PCLO: variants seen among roughly 807,000 people sequenced by gnomAD.
PCLO encodes the protein protein piccolo.
In PCLO, 82 loss-of-function variants were observed where a neutral mutation model predicts 427.5. That is an observed-to-expected ratio of 0.19 (90% CI 0.16 to 0.23). The LOEUF (loss-of-function observed/expected upper bound fraction) is 0.23. Among genes scored for constraint, PCLO ranks in the 10% least tolerant of loss-of-function variants. PCLO has a pLI of 1.00. For missense variants in PCLO, 6,239 were observed against 6,115.9 expected (o/e 1.02, Z -0.67); for synonymous variants, 2,357 against 2,155.4 (o/e 1.09, Z -2.59).
chr7:82,810,584 A>T (rs1203112669), intron 20 of PCLO, among the ~76,000 whole-genome samples: 2 of 151,718 alleles, frequency 1.3e-5, no homozygotes, highest in Non-Finnish European at 3.0e-5. Context: ...CAATTAATTG[A>T]GGGGGCATTT....
chr7:82,946,809 A>G (rs1210291480), intron 6 of PCLO, among the ~76,000 whole-genome samples: 1 of 152,242 alleles, frequency 6.6e-6, no homozygotes, highest in Non-Finnish European at 1.5e-5. Flanking sequence ...CTGTGCTGCA[A>G]GTAACATAAT....
chr7:82,822,949 A>C (rs933424572), intron 19 of PCLO, among the ~76,000 whole-genome samples: 1 of 152,170 alleles, frequency 6.6e-6, no homozygotes, highest in Non-Finnish European at 1.5e-5. Flanking sequence ...TCTAGTAATA[A>C]ATATGTTAAC....
chr7:82,876,477 CACACACACACAT>C (rs1793374346), intron 10 of PCLO, among the ~76,000 whole-genome samples: 1 of 150,250 alleles, frequency 6.7e-6, no homozygotes, highest in Non-Finnish European at 1.5e-5. Flanking sequence ...CACACACACA[CACACACACACAT>C]ACACCACACA....
intron 10 of PCLO, among the ~76,000 whole-genome samples, chr7:82,866,878 T>G (rs1193888728): frequency 2.6e-5 from 4 of 152,162 alleles, no homozygotes; most frequent in Non-Finnish European, 5.9e-5. Flanking sequence ...GACAGTGTCT[T>G]GCCCTCAGGA....
intron 9 of PCLO, among the ~76,000 whole-genome samples, chr7:82,883,706 T>G (rs1312273147): frequency 6.6e-6 from 1 of 152,200 alleles, no homozygotes; most frequent in African/African-American, 2.4e-5. Flanking sequence ...CTTTTTCTTA[T>G]CCAGCCAATT....
intron 1 of PCLO, among the ~76,000 whole-genome samples, chr7:83,158,457 T>C (rs1792352932): frequency 6.6e-6 from 1 of 151,990 alleles, no homozygotes; most frequent in South Asian, 2.1e-4. Flanking sequence ...GAGTAATCAT[T>C]AGGCATTTTA....
intron 7 of PCLO, among the ~76,000 whole-genome samples, chr7:82,913,198 G>T (rs1282880001): frequency 6.6e-6 from 1 of 151,820 alleles, no homozygotes; most frequent in African/African-American, 2.4e-5. Flanking sequence ...CTGTAGAGAC[G>T]AAAACAAATC....
At chr7:82,931,839 G>C (rs1794847092) in intron 6 of PCLO, among the ~76,000 whole-genome samples, 1 of 152,096 alleles carries the variant, frequency 6.6e-6, no homozygotes, top group South Asian at 2.1e-4. Flanking sequence ...CACTTAAAGA[G>C]AGGGGACTCC....
chr7:82,942,121 A>G (rs1283770697), intron 6 of PCLO, among the ~76,000 whole-genome samples: 2 of 152,130 alleles, frequency 1.3e-5, no homozygotes, highest in Non-Finnish European at 2.9e-5. Flanking sequence ...AGAGGTTGCA[A>G]TCAGCTGAGA....
intron 3 of PCLO, among the ~76,000 whole-genome samples, chr7:82,993,769 T>TC (rs1456621494): frequency 1.3e-5 from 2 of 152,082 alleles, no homozygotes; most frequent in African/African-American, 4.8e-5. Context: ...CCAGCAAAGC[T>TC]GTAAGATATT....
chr7:82,896,799 A>G (rs1194131705), intron 9 of PCLO, among the ~76,000 whole-genome samples: 2 of 151,722 alleles, frequency 1.3e-5, no homozygotes, highest in African/African-American at 4.8e-5. Flanking sequence ...AGAAAAGAAA[A>G]TGAGCCACTA....
chr7:83,045,649 A>C (rs2116234080), intron 3 of PCLO, among the ~76,000 whole-genome samples: 1 of 152,248 alleles, frequency 6.6e-6, no homozygotes, highest in Non-Finnish European at 1.5e-5. Flanking sequence ...ATATAGAAAT[A>C]TTCAATTATT....
At position 83,060,647 on chromosome 7, in the gene PCLO, G is replaced by A. The variant is rs190432970; in HGVS notation, c.3300+73603C>T. On this transcript the variant is annotated intron_variant, in intron 3 of 24. Coordinates refer to ENST00000333891, the MANE Select transcript of PCLO (RefSeq NM_033026.6). Reference sequence around the variant, plus strand: ...AGGCACACCAAGGGTCAATTCCTTCGATTTTACTCAAGCAGTGGCTTCTCT... The same window carrying A: ...AGGCACACCAAGGGTCAATTCCTTCAATTTTACTCAAGCAGTGGCTTCTCT... Among the ~76,000 whole-genome samples, 180 of 152,216 alleles carry A rather than the reference G, an allele frequency of 1.2e-3. 1 individual carries two copies. The highest frequency in any genetic ancestry group is 1.8e-3 in the Non-Finnish European group (123 of 68,012).
chr7:82,849,539 T>C (rs563413344), intron 10 of PCLO, among the ~76,000 whole-genome samples: 1 of 152,296 alleles, frequency 6.6e-6, no homozygotes, highest in East Asian at 1.9e-4. Context: ...TTTTCTATTG[T>C]CTATCTTCCT....
intron 22 of PCLO, among the ~76,000 whole-genome samples, chr7:82,793,763 CT>C (rs920767560): frequency 2.6e-5 from 4 of 152,130 alleles, no homozygotes; most frequent in Non-Finnish European, 4.4e-5. Flanking sequence ...TGGCTATTGT[CT>C]TTAGATTCTC....
chr7:82,807,598 T>TC (rs966137635), intron 20 of PCLO, among the ~76,000 whole-genome samples: 9 of 152,052 alleles, frequency 5.9e-5, no homozygotes, highest in African/African-American at 2.2e-4. Flanking sequence ...ATTTAACTTT[T>TC]CCCCCATTTC....
At chr7:82,877,821 A>C (rs190101571) in intron 10 of PCLO, among the ~76,000 whole-genome samples, 164 of 152,134 alleles carry the variant, frequency 1.1e-3, no homozygotes, top group African/African-American at 3.7e-3. Context: ...TCCCGCCACC[A>C]CATCCGGGTA....
intron 3 of PCLO, among the ~76,000 whole-genome samples, chr7:83,088,914 T>G (rs541806677): frequency 6.6e-6 from 1 of 152,104 alleles, no homozygotes; most frequent in African/African-American, 2.4e-5. Context: ...AAAGTGATCA[T>G]AAAAATCCCT....
chr7:83,023,130 A>G (rs988167534), intron 3 of PCLO, among the ~76,000 whole-genome samples: 7 of 152,326 alleles, frequency 4.6e-5, no homozygotes, highest in African/African-American at 7.2e-5. Context: ...TTTGTCAAAA[A>G]AAGTCAATTT....
Sources: allele counts gnomAD v4.1 joint callset (sites outside exome capture counted in the v4.1 genomes callset), GRCh38; gene constraint gnomAD v4.1.1; transcripts MANE v1.5; gene names NCBI Gene and HGNC (gene_info 2026-07-23, HGNC 2026-07-21).